The following CDH13 variants were observed in gnomAD, a reference collection of about 807,000 sequenced individuals.
The protein encoded by CDH13 is cadherin 13.
CDH13 carries 24 observed loss-of-function variants against 63.8 expected under a neutral mutation model. That is an observed-to-expected ratio of 0.38 (90% CI 0.27 to 0.53). The LOEUF (loss-of-function observed/expected upper bound fraction) is 0.53, where lower values mean the gene tolerates loss of function less well. CDH13 is among the 20% of genes least tolerant of loss of function. The pLI is 0.85. For synonymous variants in CDH13, 503 were observed against 355.3 expected, an observed-to-expected ratio of 1.42 and a Z score of -4.67; for missense variants, 1,049 against 903.1, an observed-to-expected ratio of 1.16 and a Z score of -2.07.
chr16:82,974,011 C>A (rs567855614), intron 2 of CDH13, among the ~76,000 whole-genome samples: 1 of 152,240 alleles, frequency 6.6e-6, no homozygotes, highest in African/African-American at 2.4e-5. Flanking sequence ...CCTCTGCCTC[C>A]CCGGTTCTAG....
At chr16:83,771,720 T>G (rs1914773536) in intron 11 of CDH13, among the ~76,000 whole-genome samples, 1 of 152,084 alleles carries the variant, frequency 6.6e-6, no homozygotes, top group South Asian at 2.1e-4. Flanking sequence ...CAGTCAAGAG[T>G]GACAGGCTGT....
chr16:82,706,371 T>C (rs1027095684), intron 1 of CDH13, among the ~76,000 whole-genome samples: 1 of 152,014 alleles, frequency 6.6e-6, no homozygotes, highest in African/African-American at 2.4e-5. Flanking sequence ...GGGAATGGCT[T>C]TGGGGAGAAT....
At chr16:82,929,028 G>A (rs1018437889) in intron 2 of CDH13, among the ~76,000 whole-genome samples, 1 of 152,140 alleles carries the variant, frequency 6.6e-6, no homozygotes, top group Non-Finnish European at 1.5e-5. Flanking sequence ...ATTTGTAGTT[G>A]TAGTGATGAC....
At chr16:83,759,839 G>A (rs1054414477) in intron 11 of CDH13, among the ~76,000 whole-genome samples, 5 of 151,580 alleles carry the variant, frequency 3.3e-5, no homozygotes, top group East Asian at 1.9e-4. Context: ...GAGGCAGGAC[G>A]ATCACTTGAG....
chr16:82,915,619 A>G (rs955663442), intron 2 of CDH13, among the ~76,000 whole-genome samples: 1 of 151,816 alleles, frequency 6.6e-6, no homozygotes, highest in Admixed American at 6.6e-5. Context: ...TATCCTCCCA[A>G]ACTGGATGGC....
chr16:83,755,351 G>A (rs1462467025), intron 11 of CDH13, among the ~76,000 whole-genome samples: 1 of 152,086 alleles, frequency 6.6e-6, no homozygotes, highest in Non-Finnish European at 1.5e-5. Context: ...AGTTACAGAA[G>A]GATAGGAGAG....
chr16:83,100,687 C>T (rs1273484250), intron 3 of CDH13, among the ~76,000 whole-genome samples: 3 of 152,114 alleles, frequency 2.0e-5, no homozygotes, highest in East Asian at 3.9e-4. Context: ...ATTAATGATC[C>T]ACTGGCATAA....
In CDH13 at chr16:83,006,927, TG is replaced by T. The variant is rs1321976545; in HGVS notation, c.158-25082del. On this transcript the variant is annotated intron_variant, in intron 2 of 13. Coordinates refer to ENST00000567109, the MANE Select transcript of CDH13 (RefSeq NM_001257.5). ...TTTTTTGTTTGTTTGTTTGTTTGTT[TG>T]TTTGTTTTTTTTGAGACAGAGTTTC... is the stretch of plus-strand genomic sequence containing the variant. Among the ~76,000 whole-genome samples, 282 of 136,996 alleles carry T rather than the reference TG, an allele frequency of 2.1e-3. 8 individuals carry two copies. Among genetic ancestry groups the T allele is most frequent in the African/African-American group, 6.8e-3 (255 of 37,272 alleles). The allele number at this position is 136,996 out of a possible 152,430, so 89.9% of individuals were successfully genotyped here.
At chr16:83,742,598 A>T (rs1311832461) in intron 10 of CDH13, among the ~76,000 whole-genome samples, 1 of 152,174 alleles carries the variant, frequency 6.6e-6, no homozygotes, top group Non-Finnish European at 1.5e-5. Context: ...AAATGTCAGA[A>T]ATTTACATAG....
chr16:83,753,811 A>T lies in CDH13; in HGVS notation c.1681+5561A>T, dbSNP rs189943719. On this transcript the variant is annotated intron_variant, in intron 11 of 13. Transcript: ENST00000567109. ...AGTACGGAAGTGTCCCCACTGTGAA[A>T]CTAGAAAAATCTAGTTAAATTATAA... 2.6e-3 allele frequency among the ~76,000 whole-genome samples: 391 copies of T among 152,158 alleles called. 3 individuals carry two copies. Among genetic ancestry groups the T allele is most frequent in the Admixed American group, 0.023 (349 of 15,266 alleles).
chr16:82,996,413 C>A, intron 2 of CDH13, among the ~76,000 whole-genome samples: 1 of 152,020 alleles, frequency 6.6e-6, no homozygotes, highest in Non-Finnish European at 1.5e-5. Context: ...AGATCTTAGG[C>A]GGTTGTGCAA....
chr16:83,464,426 C>T (rs1417819076), intron 6 of CDH13, among the ~76,000 whole-genome samples: 1 of 152,198 alleles, frequency 6.6e-6, no homozygotes, highest in African/African-American at 2.4e-5. Context: ...GCAGGAGAAT[C>T]GCTTGAACCG....
intron 2 of CDH13, among the ~76,000 whole-genome samples, chr16:82,873,841 G>T (rs2040420359): frequency 6.6e-6 from 1 of 152,106 alleles, no homozygotes; most frequent in South Asian, 2.1e-4. Context: ...CTCTGAAAGA[G>T]AGCATATTTT....
chr16:83,043,488 T>C (rs1917501735), intron 3 of CDH13, among the ~76,000 whole-genome samples: 1 of 95,328 alleles, frequency 1.0e-5, no homozygotes, highest in East Asian at 3.3e-4. Flanking sequence ...ACTGTATATA[T>C]GAGTGTGTGT....
intron 1 of CDH13, among the ~76,000 whole-genome samples, chr16:82,790,620 C>G (rs1250101410): frequency 6.6e-6 from 1 of 152,088 alleles, no homozygotes; most frequent in Non-Finnish European, 1.5e-5. Flanking sequence ...TAAGGAAATA[C>G]CGGAGACTAG....
intron 1 of CDH13, among the ~76,000 whole-genome samples, chr16:82,689,931 G>A (rs1405015309): frequency 7.4e-6 from 1 of 134,322 alleles, no homozygotes; most frequent in Non-Finnish European, 1.5e-5. Flanking sequence ...GATCACTTGA[G>A]GTCAGGAGTT....
At chr16:83,211,926 C>T (rs1186163977) in intron 4 of CDH13, among the ~76,000 whole-genome samples, 2 of 152,072 alleles carry the variant, frequency 1.3e-5, no homozygotes, top group Non-Finnish European at 2.9e-5. Context: ...AAAAACATCC[C>T]ACTGTGAAAA....
At chr16:82,662,985 T>C (rs1254248121) in intron 1 of CDH13, among the ~76,000 whole-genome samples, 1 of 152,120 alleles carries the variant, frequency 6.6e-6, no homozygotes, top group African/African-American at 2.4e-5. Context: ...ATTGGATAAA[T>C]TGCAGTTTCA....
chr16:82,787,959 G>C (rs758416311), intron 1 of CDH13, among the ~76,000 whole-genome samples: 1 of 148,782 alleles, frequency 6.7e-6, no homozygotes, highest in East Asian at 2.0e-4. Context: ...CAGTAAGTAA[G>C]AGGATGGTGT....
Sources: allele counts gnomAD v4.1 joint callset (sites outside exome capture counted in the v4.1 genomes callset), GRCh38; gene constraint gnomAD v4.1.1; transcripts MANE v1.5; gene names NCBI Gene and HGNC (gene_info 2026-07-23, HGNC 2026-07-21).